The following CSPP1 variants were observed in gnomAD, a reference collection of about 807,000 sequenced individuals.
The protein encoded by CSPP1 is centrosome and spindle pole associated protein 1.
CSPP1 carries 126 observed loss-of-function variants against 164.4 expected under a neutral mutation model. The observed-to-expected ratio is 0.77, with a 90% CI of 0.66 to 0.89. The LOEUF (loss-of-function observed/expected upper bound fraction) is 0.89, where lower values mean the gene tolerates loss of function less well. CSPP1 is among the 40% of genes least tolerant of loss of function. The probability of loss-of-function intolerance (pLI) is 0.00; values close to 1 mark genes in which losing one functional copy is unlikely to be tolerated. For missense variants in CSPP1, 1,395 were observed against 1,449.8 expected (o/e 0.96, Z 0.61); for synonymous variants, 472 against 476.7 (o/e 0.99, Z 0.13).
intron 1 of CSPP1, 90 bp downstream of exon 1, chr8:67,064,628 G>T: frequency 7.7e-7 from 1 of 1,295,742 alleles, no homozygotes; most frequent in Non-Finnish European, 1.0e-6. Context: ...TGGCTCCCTC[G>T]GGGCGTAGGT....
At chr8:67,175,259 C>T (rs773124318) in intron 25 of CSPP1, 37 bp from the exon 26 acceptor site, 2 of 1,507,134 alleles carry the variant, frequency 1.3e-6, no homozygotes, top group African/African-American at 1.4e-5. Context: ...TTGAAAACAA[C>T]ATTTAACTTA....
At chr8:67,117,359 T>G (rs1818143493) in intron 13 of CSPP1, among the ~76,000 whole-genome samples, 1 of 152,166 alleles carries the variant, frequency 6.6e-6, no homozygotes, top group South Asian at 2.1e-4. Flanking sequence ...TATTTTGAAG[T>G]ATATGACAAG....
chr8:67,161,799 T>A lies in CSPP1; in HGVS notation c.2539-12T>A, dbSNP rs185726462. 5.8e-4 allele frequency: 913 copies of A among 1,578,250 alleles called. 3 individuals carry two copies. The highest frequency in any genetic ancestry group is 5.0e-3 in the Middle Eastern group (30 of 5,996). ...GAAGCAAATATGCTCTTAAATTTTT[T>A]AAATTTTTCAGCACATGAGACAGCC... On this transcript the variant is annotated splice_polypyrimidine_tract_variant and intron_variant, in intron 21 of 30. Transcript: ENST00000678616.
rs137882835 is a variant in CSPP1, at chr8:67,148,861, G to A, written c.1976-922G>A. On this transcript the variant is annotated intron_variant, in intron 17 of 30. Coordinates refer to ENST00000678616, the MANE Select transcript of CSPP1 (RefSeq NM_001382391.1). ...TGTTTGACCCAATTCTAGGTGCTCA[G>A]ATTTTTGCTGTGTGTATTAGATATC... 3.0e-4 allele frequency among the ~76,000 whole-genome samples: 45 copies of A among 152,280 alleles called. No individual in the cohort carries two copies. In the East Asian group the frequency reaches 7.1e-3, roughly 24 times the overall value.
Position 67,193,674 on chromosome 8 carries a change from C to T in CSPP1, c.3469+72C>T, listed in dbSNP as rs889808467. The T allele has an allele frequency of 8.3e-6, 11 of 1,330,752 alleles. No individual in the cohort carries two copies. The African/African-American group carries it at 1.6e-4, about 19-fold the overall frequency. The allele number at this position is 1,330,752 out of a possible 1,614,324, so 82.4% of individuals were successfully genotyped here. The stretch of plus-strand genomic sequence containing the variant: ...TTTAAACTTTCTTACTCAAGGCTTT[C>T]ACTAACGTCTGAGGGATAGATGGAA... On this transcript the variant is annotated intron_variant, in intron 30 of 30. Transcript: ENST00000678616.
At position 67,188,395 on chromosome 8, in the gene CSPP1, C is replaced by G. The variant is rs946984881; in HGVS notation, c.3221-2255C>G. Among the ~76,000 whole-genome samples the G allele has an allele frequency of 3.9e-5, 6 of 152,136 alleles. No homozygotes were observed. The East Asian group carries it at 1.2e-3, about 29-fold the overall frequency. On this transcript the variant is annotated intron_variant, in intron 28 of 30. Coordinates refer to ENST00000678616, the MANE Select transcript of CSPP1 (RefSeq NM_001382391.1). The stretch of plus-strand genomic sequence containing the variant: ...GTAACTCAGCTCACACCCAACCAAT[C>G]AGGTAGTAAAGAGGGCTCACTAAAA...
intron 17 of CSPP1, among the ~76,000 whole-genome samples, chr8:67,145,520 C>CTTTTT (rs1053090081): frequency 4.2e-5 from 6 of 143,710 alleles, no homozygotes; most frequent in African/African-American, 1.5e-4. Context: ...TAATTTCTTT[C>CTTTTT]TTTTTTTTTT....
intron 15 of CSPP1, among the ~76,000 whole-genome samples, chr8:67,126,679 A>G (rs993529990): frequency 5.9e-5 from 9 of 152,178 alleles, no homozygotes; most frequent in Middle Eastern, 3.2e-3. Flanking sequence ...TCGGGCATCC[A>G]TATAATTGCA....
At chr8:67,149,406 ATG>A (rs1471333188) in intron 17 of CSPP1, among the ~76,000 whole-genome samples, 1 of 152,234 alleles carries the variant, frequency 6.6e-6, no homozygotes, top group Non-Finnish European at 1.5e-5. Flanking sequence ...CCACATAATT[ATG>A]TGTTATTAGG....
In CSPP1 at chr8:67,112,085, TA is replaced by T. The variant is rs1441935966; in HGVS notation, c.1187+24del. ...GAGACGGTAATGAAAGGTTTGCATTTAAAAGAGATATTTTGAGTTTAAAGTG... is the reference window on the plus strand; with the variant it reads ...GAGACGGTAATGAAAGGTTTGCATTTAAAGAGATATTTTGAGTTTAAAGTG... On this transcript the variant is annotated intron_variant, in intron 10 of 30. Coordinates refer to ENST00000678616, the MANE Select transcript of CSPP1 (RefSeq NM_001382391.1). 3.9e-6 allele frequency: 6 copies of T among 1,553,718 alleles called. No homozygotes were observed. The highest frequency in any genetic ancestry group is 5.3e-6 in the Non-Finnish European group (6 of 1,130,112).
At chr8:67,181,416 C>T (rs1355440323) in intron 28 of CSPP1, among the ~76,000 whole-genome samples, 3 of 148,020 alleles carry the variant, frequency 2.0e-5, no homozygotes, top group Non-Finnish European at 4.4e-5. Flanking sequence ...AAAGATAAAA[C>T]CAGCAGGAGA....
At chr8:67,122,113 C>T (rs1819088669) in intron 15 of CSPP1, among the ~76,000 whole-genome samples, 1 of 151,508 alleles carries the variant, frequency 6.6e-6, no homozygotes, top group Admixed American at 6.6e-5. Context: ...AGATTCAGAG[C>T]CTTCTTGTTG....
chr8:67,171,898 A>G (rs1830537592), intron 24 of CSPP1, among the ~76,000 whole-genome samples: 1 of 149,388 alleles, frequency 6.7e-6, no homozygotes, highest in Non-Finnish European at 1.5e-5. Context: ...CCCAGGCCGG[A>G]GTGCAGTGGT....
chr8:67,093,007 G>C (rs1371429011), intron 5 of CSPP1, among the ~76,000 whole-genome samples: 4 of 152,180 alleles, frequency 2.6e-5, no homozygotes, highest in African/African-American at 4.8e-5. Flanking sequence ...AGGAAAGAAG[G>C]AAGGTAACCC....
At chr8:67,078,760 C>G (rs1435327931) in intron 3 of CSPP1, among the ~76,000 whole-genome samples, 1 of 152,040 alleles carries the variant, frequency 6.6e-6, no homozygotes, top group Non-Finnish European at 1.5e-5. Flanking sequence ...CACTTGAGAT[C>G]AGGAGTTCAA....
chr8:67,093,946 G>A lies in CSPP1; in HGVS notation c.483+305G>A, dbSNP rs78057209. Among the ~76,000 whole-genome samples the A allele has an allele frequency of 4.1e-3, 616 of 151,034 alleles. 3 individuals are homozygous for A. Among genetic ancestry groups the A allele is most frequent in the African/African-American group, 0.014 (581 of 41,200 alleles). On this transcript the variant is annotated intron_variant, in intron 6 of 30. Coordinates refer to ENST00000678616, the MANE Select transcript of CSPP1 (RefSeq NM_001382391.1). ...ATGATGACAATTCCTAGCTATGTTT[G>A]TTTTTTTCAAAATTTAAGGATCAAT...
chr8:67,118,886 A>G (rs1818452592), intron 15 of CSPP1, 65 bp downstream of exon 15: 10 of 1,039,100 alleles, frequency 9.6e-6, no homozygotes, highest in African/African-American at 1.6e-5. Flanking sequence ...CACATAACCT[A>G]AAAGCCACCA....
chr8:67,118,331 A>G lies in CSPP1; in HGVS notation c.1580A>G (p.Tyr527Cys), dbSNP rs1303290935. The change falls in exon 14 of 31, where the codon TAT becomes TGT. Residue 527 changes from tyrosine (Y) to cysteine (C), a missense_variant. Physicochemically the swap from Tyr to Cys is radical, Grantham distance 194. Transcript: ENST00000678616. Reference sequence around the variant, plus strand: ...CCTTATGATGATGCATACTATTTTTATGGGTCCAGGAATACTTTCGATCCC... The same window carrying G: ...CCTTATGATGATGCATACTATTTTTGTGGGTCCAGGAATACTTTCGATCCC... The part of the protein sequence containing the change: ...RTPYDDAYYF[Y>C]GSRNTFDPSL... 4 of 1,613,562 alleles carry G rather than the reference A, an allele frequency of 2.5e-6. No individual in the cohort carries two copies. In the South Asian group the frequency reaches 4.4e-5, roughly 18 times the overall value.
At chr8:67,144,882 C>T (rs1018297889) in intron 17 of CSPP1, among the ~76,000 whole-genome samples, 1 of 148,272 alleles carries the variant, frequency 6.7e-6, no homozygotes, top group Admixed American at 6.8e-5. Context: ...TTTTAGCCAA[C>T]ATGGTGAAAC....
Sources: allele counts gnomAD v4.1 joint callset (sites outside exome capture counted in the v4.1 genomes callset), GRCh38; gene constraint gnomAD v4.1.1; transcripts MANE v1.5; gene names NCBI Gene and HGNC (gene_info 2026-07-23, HGNC 2026-07-21).